The following ADCY2 variants were observed in gnomAD, a reference collection of about 807,000 sequenced individuals.
ADCY2 encodes the protein adenylate cyclase 2, also known as adenylate cyclase type 2.
A neutral mutation model predicts 125.2 loss-of-function variants in ADCY2; 31 were observed. The observed-to-expected ratio is 0.25, with a 90% CI of 0.19 to 0.33. The LOEUF is 0.33. Ranked by LOEUF, ADCY2 falls within the 10% of genes least tolerant of loss-of-function variation. The pLI, the probability that ADCY2 is intolerant of heterozygous loss-of-function variation, is 1.00. For synonymous variants in ADCY2, 512 were observed against 548.4 expected (o/e 0.93, Z 0.93); for missense variants, 904 against 1,418.2 (o/e 0.64, Z 5.82).
At chr5:7,465,036 T>G (rs916562826) in intron 2 of ADCY2, among the ~76,000 whole-genome samples, 20 of 152,234 alleles carry the variant, frequency 1.3e-4, no homozygotes, top group African/African-American at 4.3e-4. Context: ...GGTTTCCCCT[T>G]ATAAAACCAT....
In ADCY2 at chr5:7,699,081, A is replaced by ATTTTTTTTTTTT. The variant is rs561359357; in HGVS notation, c.1109+730_1109+741dup. On this transcript the variant is annotated intron_variant, in intron 7 of 24. Transcript: ENST00000338316. Reference sequence around the variant, plus strand: ...CCTGAGTCAGGAAACAACAGTAAGCATTTTTTTTTTTTTTTTTTTTTTTTT... The same window carrying ATTTTTTTTTTTT: ...CCTGAGTCAGGAAACAACAGTAAGCATTTTTTTTTTTTTTTTTTTTTTTTTTTTTTTTTTTTT... Among the ~76,000 whole-genome samples the ATTTTTTTTTTTT allele has an allele frequency of 9.0e-4, 34 of 37,968 alleles. 7 individuals are homozygous for ATTTTTTTTTTTT. Among genetic ancestry groups the ATTTTTTTTTTTT allele is most frequent in the East Asian group, 2.8e-3 (2 of 726 alleles). The allele number at this position is 37,968 out of a possible 152,430, so 24.9% of individuals were successfully genotyped here.
At chr5:7,692,994 A>G (rs1165776392) in intron 5 of ADCY2, among the ~76,000 whole-genome samples, 1 of 152,266 alleles carries the variant, frequency 6.6e-6, no homozygotes, top group East Asian at 1.9e-4. Context: ...CCAAAGTTGG[A>G]CTACTCCTCT....
intron 3 of ADCY2, among the ~76,000 whole-genome samples, chr5:7,525,642 A>T (rs1459098054): frequency 7.4e-6 from 1 of 134,420 alleles, no homozygotes; most frequent in Non-Finnish European, 1.6e-5. Flanking sequence ...ACACATTTAC[A>T]TCTACATTAT....
chr5:7,681,507 T>C lies in ADCY2; in HGVS notation c.721-9184T>C, dbSNP rs994978331. Among the ~76,000 whole-genome samples, 7 of 152,306 alleles carry C rather than the reference T, an allele frequency of 4.6e-5. No individual in the cohort carries two copies. The South Asian group carries it at 1.2e-3, about 27-fold the overall frequency. On this transcript the variant is annotated intron_variant, in intron 4 of 24. Coordinates refer to ENST00000338316, the MANE Select transcript of ADCY2 (RefSeq NM_020546.3). ...CCAAGCATTCACAGCAGAAAATGTA[T>C]GTGACCGCTTCAGGATTCAGTCATG...
intron 1 of ADCY2, among the ~76,000 whole-genome samples, chr5:7,402,629 C>T (rs909759903): frequency 5.3e-5 from 8 of 152,152 alleles, no homozygotes; most frequent in Non-Finnish European, 1.2e-4. Context: ...AAACACAGAC[C>T]TGACCATGGC....
chr5:7,646,891 C>A (rs1489304488), intron 4 of ADCY2, among the ~76,000 whole-genome samples: 1 of 152,162 alleles, frequency 6.6e-6, no homozygotes, highest in Admixed American at 6.5e-5. Context: ...GCAATTTCGG[C>A]CACCATCTTG....
chr5:7,457,039 C>A (rs1161611852), intron 2 of ADCY2, among the ~76,000 whole-genome samples: 2 of 152,156 alleles, frequency 1.3e-5, no homozygotes, highest in Non-Finnish European at 2.9e-5. Context: ...GAACAACTGA[C>A]TCAGAAACTT....
intron 3 of ADCY2, among the ~76,000 whole-genome samples, chr5:7,616,988 T>C (rs547292950): frequency 6.6e-4 from 101 of 152,266 alleles, no homozygotes; most frequent in Non-Finnish European, 1.2e-3. Context: ...CTGAAACTCA[T>C]GTTGAAGTTT....
In ADCY2 at chr5:7,709,536, C is replaced by T. The variant is rs1455079410; in HGVS notation, c.1578+149C>T. The T allele has an allele frequency of 4.1e-6, 4 of 977,668 alleles. No homozygotes were observed. Among genetic ancestry groups the T allele is most frequent in the African/African-American group, 1.6e-5 (1 of 60,710 alleles). 60.6% of individuals were successfully genotyped at this position (977,668 alleles called of 1,614,324 possible). ...TTCTCAGAGAGGCCCTTATGAACAACCATCAGGGTATGAGTGAGCTCCATG... is the reference window on the plus strand; with the variant it reads ...TTCTCAGAGAGGCCCTTATGAACAATCATCAGGGTATGAGTGAGCTCCATG... On this transcript the variant is annotated intron_variant, in intron 10 of 24. Transcript: ENST00000338316. This position sits in a 1 kb window ranked among gnomAD's most constrained non-coding sequence, Gnocchi z 4.4.
At chr5:7,411,094 C>T (rs73044504) in intron 1 of ADCY2, among the ~76,000 whole-genome samples, 4,076 of 152,288 alleles carry the variant, frequency 0.027, 178 homozygotes, top group African/African-American at 0.091. Flanking sequence ...TCTGTTCTTC[C>T]CATGACACCC....
At chr5:7,653,818 T>G (rs1392443668) in intron 4 of ADCY2, among the ~76,000 whole-genome samples, 2 of 152,166 alleles carry the variant, frequency 1.3e-5, no homozygotes, top group Admixed American at 6.5e-5. Context: ...GTTTTATGAG[T>G]ATAAAATATT....
intron 3 of ADCY2, among the ~76,000 whole-genome samples, chr5:7,529,542 T>C (rs187156020): frequency 6.6e-6 from 1 of 152,204 alleles, no homozygotes; most frequent in Non-Finnish European, 1.5e-5. Context: ...ATCTCGTGAA[T>C]GTCTGGACAT....
At chr5:7,560,986 C>A (rs188796605) in intron 3 of ADCY2, among the ~76,000 whole-genome samples, 4 of 152,280 alleles carry the variant, frequency 2.6e-5, no homozygotes, top group Admixed American at 2.6e-4. Flanking sequence ...CTGGGCCCAG[C>A]CTGCTTATTC....
At chr5:7,718,913 G>C (rs898703101) in intron 12 of ADCY2, among the ~76,000 whole-genome samples, 4 of 152,268 alleles carry the variant, frequency 2.6e-5, no homozygotes, top group Admixed American at 1.3e-4. Context: ...AATAGCATCT[G>C]ATACTGTGTG....
intron 14 of ADCY2, among the ~76,000 whole-genome samples, chr5:7,743,326 G>A (rs1742497433): frequency 6.7e-6 from 1 of 149,760 alleles, no homozygotes; most frequent in South Asian, 2.2e-4. Context: ...GATCTCACTG[G>A]CAGTGAAGAG....
intron 3 of ADCY2, among the ~76,000 whole-genome samples, chr5:7,601,692 A>G (rs1483877711): frequency 6.6e-6 from 1 of 152,190 alleles, no homozygotes; most frequent in Non-Finnish European, 1.5e-5. Context: ...TGTTCCTTCC[A>G]GACCCTTCAT....
Position 7,642,987 on chromosome 5 carries a change from C to G in ADCY2, c.720+16671C>G, listed in dbSNP as rs368207562. ...TGTGGAAATGAAAGAACCATACCTA[C>G]TAACAAAAAACACTCTTCAGTATAT... On this transcript the variant is annotated intron_variant, in intron 4 of 24. Coordinates refer to ENST00000338316, the MANE Select transcript of ADCY2 (RefSeq NM_020546.3). Among the ~76,000 whole-genome samples, 82 of 151,956 alleles carry G rather than the reference C, an allele frequency of 5.4e-4. No homozygotes were observed. In the East Asian group the frequency reaches 7.9e-3, roughly 15 times the overall value.
At chr5:7,499,389 G>A (rs1743465162) in intron 2 of ADCY2, among the ~76,000 whole-genome samples, 1 of 151,860 alleles carries the variant, frequency 6.6e-6, no homozygotes, top group Admixed American at 6.6e-5. Context: ...TTTGTTTCTA[G>A]GTCTTGACTA....
At chr5:7,818,588 A>G (rs112204690) in intron 23 of ADCY2, among the ~76,000 whole-genome samples, 1 of 152,098 alleles carries the variant, frequency 6.6e-6, no homozygotes, top group African/African-American at 2.4e-5. Context: ...TAGTATATTT[A>G]GTAGAGACAT....
Sources: allele counts gnomAD v4.1 joint callset (sites outside exome capture counted in the v4.1 genomes callset), GRCh38; gene constraint gnomAD v4.1.1; non-coding constraint Gnocchi (gnomAD v3.1); transcripts MANE v1.5; gene names NCBI Gene and HGNC (gene_info 2026-07-23, HGNC 2026-07-21).